Variants in MBNL2 observed in about 807,000 individuals in gnomAD.
MBNL2 encodes the protein muscleblind like splicing regulator 2, also known as muscleblind-like protein 2.
MBNL2 carries 17 observed loss-of-function variants against 41.9 expected under a neutral mutation model. The ratio of observed to expected loss-of-function variants is 0.41; its 90% CI spans 0.28 to 0.61. The LOEUF is 0.61. Ranked by LOEUF, MBNL2 falls within the 20% of genes least tolerant of loss-of-function variation. The probability of loss-of-function intolerance (pLI) is 0.35; values close to 1 mark genes in which losing one functional copy is unlikely to be tolerated. For synonymous variants in MBNL2, 195 were observed against 182.9 expected (o/e 1.07, Z -0.53); for missense variants, 336 against 505.6 (o/e 0.66, Z 3.22).
intron 2 of MBNL2, among the ~76,000 whole-genome samples, chr13:97,299,266 C>T (rs59357402): frequency 0.077 from 11,637 of 151,974 alleles, 697 homozygotes; most frequent in African/African-American, 0.17. Flanking sequence ...AGTTTTCTAA[C>T]ATTGACAGTG....
chr13:97,343,954 G>GCGC (rs2061630892), intron 4 of MBNL2, among the ~76,000 whole-genome samples: 1 of 152,104 alleles, frequency 6.6e-6, no homozygotes, highest in Admixed American at 6.5e-5. Flanking sequence ...TTATAGGCAT[G>GCGC]CGCCACCACG....
chr13:97,265,282 T>C (rs2049510970), intron 1 of MBNL2, among the ~76,000 whole-genome samples: 1 of 152,242 alleles, frequency 6.6e-6, no homozygotes, highest in Non-Finnish European at 1.5e-5. Context: ...AAGTTGGAAA[T>C]TTCTCCTTTT....
At chr13:97,215,839 T>C in the MBNL2 span, among the ~76,000 whole-genome samples, 1 of 152,200 alleles carries the variant, frequency 6.6e-6, no homozygotes, top group Non-Finnish European at 1.5e-5. Flanking sequence ...ACTTTAGTTA[T>C]CACTTTTTTG....
At position 97,334,294 on chromosome 13, in the gene MBNL2, A is replaced by G; in HGVS notation, c.193A>G (p.Asn65Asp). ...DSLKGRCSRE[N>D]CKYLHPPTHL... ...TTTACAGGGCCGTTGTTCGAGAGAG[A>G]ACTGCAAGTATCTTCACCCTCCGAC... Residue 65 changes from asparagine to aspartate, a missense_variant, in exon 3 of 9, where the codon AAC becomes GAC. By Grantham distance (23) the Asn-to-Asp change is conservative (BLOSUM62 1). Transcript: ENST00000679496. This position sits in a 1 kb window ranked among gnomAD's most constrained non-coding sequence, Gnocchi z 5.3. 1 of 1,612,102 alleles carries G rather than the reference A, an allele frequency of 6.2e-7. No homozygotes were observed. The highest frequency in any genetic ancestry group is 8.5e-7 in the Non-Finnish European group (1 of 1,179,306).
rs533230832 is a variant in MBNL2, at chr13:97,276,049, G to C, written c.-187G>C. On this transcript the variant is annotated 5_prime_UTR_variant, in exon 2 of 9. Transcript: ENST00000679496. Reference sequence around the variant, plus strand: ...CATCTTTAAGTGGGACATATTGATTGATGAGTGATTGCCTGTCCATACACT... The same window carrying C: ...CATCTTTAAGTGGGACATATTGATTCATGAGTGATTGCCTGTCCATACACT... The C allele has an allele frequency of 4.6e-5, 24 of 518,602 alleles. No individual in the cohort carries two copies. The highest frequency in any genetic ancestry group is 4.2e-4 in the African/African-American group (22 of 52,014). The allele number at this position is 518,602 out of a possible 1,614,324, so 32.1% of individuals were successfully genotyped here.
At chr13:97,162,581 G>A in the MBNL2 span, among the ~76,000 whole-genome samples, 1 of 152,192 alleles carries the variant, frequency 6.6e-6, no homozygotes, top group African/African-American at 2.4e-5. Context: ...ACGAAGAGCA[G>A]GTTCTAAAGC....
intron 1 of MBNL2, among the ~76,000 whole-genome samples, chr13:97,274,050 A>C (rs2051656145): frequency 6.6e-6 from 1 of 152,114 alleles, no homozygotes; most frequent in Admixed American, 6.5e-5. Context: ...AACAAGAGTG[A>C]AACTCCGTCT....
chr13:97,186,358 A>G, the MBNL2 span, among the ~76,000 whole-genome samples: 10 of 152,258 alleles, frequency 6.6e-5, no homozygotes, highest in East Asian at 3.9e-4. Context: ...CAAGCCTCAG[A>G]GTTCCATTAG....
rs549223186 is a variant in MBNL2, at chr13:97,283,354, C to A, written c.174+6945C>A. On this transcript the variant is annotated intron_variant, in intron 2 of 8. Coordinates refer to ENST00000679496, the MANE Select transcript of MBNL2 (RefSeq NM_001382683.1). Reference sequence around the variant, plus strand: ...ACCATGGCTGCAACTACCTACTGAACATCCCCATCTGAATGGCCCATTGTC... The same window carrying A: ...ACCATGGCTGCAACTACCTACTGAAAATCCCCATCTGAATGGCCCATTGTC... Among the ~76,000 whole-genome samples the A allele has an allele frequency of 3.3e-5, 5 of 152,284 alleles. No individual in the cohort carries two copies. In the South Asian group the frequency reaches 1.0e-3, roughly 32 times the overall value.
At chr13:97,382,942 A>G (rs2065606506) in intron 8 of MBNL2, among the ~76,000 whole-genome samples, 1 of 152,128 alleles carries the variant, frequency 6.6e-6, no homozygotes, top group South Asian at 2.1e-4. Context: ...ACACAGTCGC[A>G]TAACTCCCCT....
intron 1 of MBNL2, among the ~76,000 whole-genome samples, chr13:97,223,953 C>T (rs2041201448): frequency 6.6e-6 from 1 of 152,206 alleles, no homozygotes; most frequent in African/African-American, 2.4e-5. Flanking sequence ...TGGCCAGGAA[C>T]ATTCTAACTC....
intron 8 of MBNL2, among the ~76,000 whole-genome samples, chr13:97,367,898 G>C (rs548385501): frequency 6.6e-6 from 1 of 152,320 alleles, no homozygotes; most frequent in Admixed American, 6.5e-5. Context: ...TAGTTCCTTA[G>C]CTGGGAAGAT....
chr13:97,223,782 TTAAATAAGG>T lies in MBNL2; in HGVS notation c.-605+1252_-605+1260del, dbSNP rs2041163604. Among the ~76,000 whole-genome samples, 6 of 120,664 alleles carry T rather than the reference TTAAATAAGG, an allele frequency of 5.0e-5. No individual in the cohort carries two copies. The Admixed American group carries it at 5.1e-4, about 10-fold the overall frequency. The allele number at this position is 120,664 out of a possible 152,430, so 79.2% of individuals were successfully genotyped here. On this transcript the variant is annotated intron_variant, in intron 1 of 8. Transcript: ENST00000679496. ...TGCAAGGAGCAGTAGAACTACTCAT[TTAAATAAGG>T]GCAATGCCACGTAGATTCTTCTAGA...
chr13:97,346,136 C>T lies in MBNL2; in HGVS notation c.541-668C>T, dbSNP rs940014682. ...ATGAATGAATGGCTGGCTGGATGGACGGATAGATAGATGGTAGGTAGGTAG... is the reference window on the plus strand; with the variant it reads ...ATGAATGAATGGCTGGCTGGATGGATGGATAGATAGATGGTAGGTAGGTAG... On this transcript the variant is annotated intron_variant, in intron 4 of 8. Coordinates refer to ENST00000679496, the MANE Select transcript of MBNL2 (RefSeq NM_001382683.1). This position sits in a 1 kb window ranked among gnomAD's most constrained non-coding sequence, Gnocchi z 4.2. Among the ~76,000 whole-genome samples, 3 of 151,266 alleles carry T rather than the reference C, an allele frequency of 2.0e-5. No homozygotes were observed. The highest frequency in any genetic ancestry group is 7.3e-5 in the African/African-American group (3 of 41,090).
At chr13:97,248,895 T>C (rs1483018523) in intron 1 of MBNL2, among the ~76,000 whole-genome samples, 1 of 152,170 alleles carries the variant, frequency 6.6e-6, no homozygotes, top group Non-Finnish European at 1.5e-5. Flanking sequence ...CTATGGAAAA[T>C]GTTATGCAAA....
intron 7 of MBNL2, among the ~76,000 whole-genome samples, chr13:97,364,613 A>G (rs886850557): frequency 2.6e-5 from 4 of 152,232 alleles, no homozygotes; most frequent in African/African-American, 9.6e-5. Context: ...CAAAACATTT[A>G]CAGTCAAACA....
intron 1 of MBNL2, among the ~76,000 whole-genome samples, chr13:97,261,012 C>T (rs1306252371): frequency 6.6e-6 from 1 of 152,052 alleles, no homozygotes; most frequent in East Asian, 1.9e-4. Context: ...AGATGCTAAC[C>T]CCATCCCAGT....
chr13:97,144,446 T>TTTTTTTTA, the MBNL2 span, among the ~76,000 whole-genome samples: 5 of 111,724 alleles, frequency 4.5e-5, no homozygotes, highest in East Asian at 4.8e-4. Flanking sequence ...TTTTTTTTTT[T>TTTTTTTTA]GAGACAGAGT....
At chr13:97,224,628 C>A (rs1003501474) in intron 1 of MBNL2, among the ~76,000 whole-genome samples, 18 of 107,434 alleles carry the variant, frequency 1.7e-4, no homozygotes, top group South Asian at 3.5e-4. Flanking sequence ...GACCTTTTAC[C>A]AAAAAAAAAA....
Sources: allele counts gnomAD v4.1 joint callset (sites outside exome capture counted in the v4.1 genomes callset), GRCh38; gene constraint gnomAD v4.1.1; non-coding constraint Gnocchi (gnomAD v3.1); transcripts MANE v1.5; gene names NCBI Gene and HGNC (gene_info 2026-07-23, HGNC 2026-07-21).